KIF2A: variants seen among roughly 807,000 people sequenced by gnomAD.
KIF2A encodes kinesin-like protein KIF2A.
A neutral mutation model predicts 100.2 loss-of-function variants in KIF2A; 22 were observed. The observed-to-expected ratio is 0.22, with a 90% CI of 0.16 to 0.31. KIF2A has a LOEUF of 0.31. KIF2A is among the 10% of genes least tolerant of loss of function. The pLI is 1.00. For missense variants in KIF2A, 495 were observed against 898.7 expected (o/e 0.55, Z 5.74); for synonymous variants, 268 against 285.9 (o/e 0.94, Z 0.63).
chr5:62,306,504 T>A lies in KIF2A; in HGVS notation c.32T>A (p.Ile11Asn). Residue 11 changes from isoleucine to asparagine, a missense_variant, in exon 1 of 21, where the codon ATC (isoleucine) becomes AAC (asparagine). Physicochemically the swap from Ile to Asn is moderately radical, Grantham distance 149 (BLOSUM62 -3). Transcript: ENST00000407818. ...ACGGCCAACTTCGGCAAGATCCAGA[T>A]CGGGATTTACGTGGAGATCAAGCGC... is the stretch of plus-strand genomic sequence containing the variant. MATANFGKIQ[I>N]GIYVEIKRSD... 4.5e-6 allele frequency: 7 copies of A among 1,545,872 alleles called. No homozygotes were observed. Among genetic ancestry groups the A allele is most frequent in the Non-Finnish European group, 6.1e-6 (7 of 1,144,838 alleles).
intron 19 of KIF2A, among the ~76,000 whole-genome samples, chr5:62,380,707 C>T (rs1215491530): frequency 1.3e-5 from 2 of 152,010 alleles, no homozygotes; most frequent in African/African-American, 4.8e-5. Context: ...TTAAGAAAAT[C>T]GTAAGAAAGG....
Position 62,390,741 on chromosome 5 carries a change from T to C in KIF2A, c.*5172T>C. ...CCTCCATCTTCTACACCAAATACTA[T>C]TCCATGCCATGGAAGTGCTATGCAA... is the stretch of plus-strand genomic sequence containing the variant. On this transcript the variant is annotated 3_prime_UTR_variant, in exon 21 of 21. Coordinates refer to ENST00000407818, the MANE Select transcript of KIF2A (RefSeq NM_001098511.3). 1.4e-6 allele frequency: 1 copy of C among 703,442 alleles called. No individual in the cohort carries two copies. The highest frequency in any genetic ancestry group is 2.5e-6 in the Non-Finnish European group (1 of 399,262). The allele number at this position is 703,442 out of a possible 1,614,324, so 43.6% of individuals were successfully genotyped here. A position where few individuals can be genotyped will look rare whatever the true frequency, so the allele number is the denominator to read the frequency against.
chr5:62,380,633 G>T (rs1186085184), intron 19 of KIF2A, among the ~76,000 whole-genome samples: 1 of 152,114 alleles, frequency 6.6e-6, no homozygotes, highest in Non-Finnish European at 1.5e-5. Flanking sequence ...TACATATTTT[G>T]TATGTTATAT....
intron 1 of KIF2A, chr5:62,307,367 T>C (rs1231357405): frequency 6.6e-6 from 1 of 151,930 alleles, no homozygotes; most frequent in Non-Finnish European, 1.5e-5. Flanking sequence ...TGAAGACACA[T>C]GCTTCATTTT....
At chr5:62,381,361 G>A in intron 20 of KIF2A, 108 bp downstream of exon 20, 5 of 808,140 alleles carry the variant, frequency 6.2e-6, no homozygotes, top group Non-Finnish European at 1.0e-5. Flanking sequence ...AAAATTAGGG[G>A]CACTGTTTAG....
chr5:62,384,418 T>G (rs563242284), intron 20 of KIF2A, among the ~76,000 whole-genome samples: 1 of 152,360 alleles, frequency 6.6e-6, no homozygotes, highest in East Asian at 1.9e-4. Context: ...TTTCGTAACC[T>G]TGACACTGTT....
chr5:62,355,172 C>A lies in KIF2A; in HGVS notation c.572C>A (p.Thr191Lys). 6.4e-7 allele frequency: 1 copy of A among 1,571,716 alleles called. No homozygotes were observed. Among genetic ancestry groups the A allele is most frequent in the Non-Finnish European group, 8.7e-7 (1 of 1,144,256 alleles). ...REKRAQDVDA[T>K]NPNYEIMCMI... The stretch of plus-strand genomic sequence containing the variant: ...GTCTTCTAATAGGACGTTGATGCTA[C>A]AAACCCAAATTATGAAATTATGTGT... The change falls in exon 7 of 21, where the codon ACA becomes AAA. Residue 191 changes from threonine (T) to lysine (K), a missense_variant. Physicochemically the swap from Thr to Lys is moderately conservative, Grantham distance 78 (BLOSUM62 -1). Transcript: ENST00000407818.
At chr5:62,358,919 C>T (rs1748249477) in intron 9 of KIF2A, among the ~76,000 whole-genome samples, 1 of 152,246 alleles carries the variant, frequency 6.6e-6, no homozygotes, top group South Asian at 2.1e-4. Flanking sequence ...GATCTGCCCG[C>T]CTTGGCTTCC....
At chr5:62,324,955 CAAAGGTCTCA>C (rs1746289115) in intron 1 of KIF2A, among the ~76,000 whole-genome samples, 1 of 152,126 alleles carries the variant, frequency 6.6e-6, no homozygotes, top group South Asian at 2.1e-4. Flanking sequence ...ATGCATATGA[CAAAGGTCTCA>C]TTTCCAGAAT....
At chr5:62,365,164 A>G in intron 14 of KIF2A, 79 bp from the exon 15 acceptor site, 1 of 656,746 alleles carries the variant, frequency 1.5e-6, no homozygotes, top group South Asian at 2.3e-5. Context: ...TTGTAGTAAG[A>G]GACCTTTTAA....
Position 62,348,175 on chromosome 5 carries a change from A to T in KIF2A, c.279+8A>T, listed in dbSNP as rs1747671429. 5 of 1,613,370 alleles carry T rather than the reference A, an allele frequency of 3.1e-6. No individual in the cohort carries two copies. In the East Asian group the frequency reaches 1.1e-4, roughly 36 times the overall value. On this transcript the variant is annotated splice_region_variant and intron_variant, in intron 3 of 20. Coordinates refer to ENST00000407818, the MANE Select transcript of KIF2A (RefSeq NM_001098511.3). ...GTAAACAAAATTGTAAAGGTTAGTG[A>T]TGAAAATTCAGAGTGCAGGACACTG...
At position 62,390,525 on chromosome 5, in the gene KIF2A, T is replaced by C. The variant is rs1008221840; in HGVS notation, c.*4956T>C. Among the ~76,000 whole-genome samples, 32 of 152,188 alleles carry C rather than the reference T, an allele frequency of 2.1e-4. No individual in the cohort carries two copies. The highest frequency in any genetic ancestry group is 7.7e-4 in the African/African-American group (32 of 41,452). On this transcript the variant is annotated 3_prime_UTR_variant, in exon 21 of 21. Coordinates refer to ENST00000407818, the MANE Select transcript of KIF2A (RefSeq NM_001098511.3). ...CATGTATTATGATTTTTCTACCTTA[T>C]GGACTATTTTGGAGGGATAAGCTAT...
intron 15 of KIF2A, among the ~76,000 whole-genome samples, 184 bp downstream of exon 15, chr5:62,365,537 T>A (rs969271473): frequency 6.6e-6 from 1 of 152,250 alleles, no homozygotes; most frequent in Non-Finnish European, 1.5e-5. Flanking sequence ...GTTATATAAT[T>A]CCAGCATCTA....
intron 8 of KIF2A, 64 bp downstream of exon 8, chr5:62,357,809 A>G: frequency 1.0e-6 from 1 of 986,080 alleles, no homozygotes; most frequent in Non-Finnish European, 1.5e-6. Context: ...TATTTTTATA[A>G]TAGCAAATCA....
At chr5:62,379,125 A>C (rs566599220) in intron 19 of KIF2A, among the ~76,000 whole-genome samples, 1 of 152,162 alleles carries the variant, frequency 6.6e-6, no homozygotes, top group Admixed American at 6.5e-5. Context: ...AAAAACAAAA[A>C]GAAAAGTGTC....
intron 5 of KIF2A, 181 bp downstream of exon 5, chr5:62,352,891 A>G (rs2111925700): frequency 2.0e-6 from 1 of 500,780 alleles, no homozygotes; most frequent in Non-Finnish European, 3.3e-6. Context: ...TTTTTAAAGT[A>G]TATTTTGGAG....
chr5:62,342,558 T>C (rs1272152405), intron 1 of KIF2A, among the ~76,000 whole-genome samples: 1 of 152,050 alleles, frequency 6.6e-6, no homozygotes, highest in Non-Finnish European at 1.5e-5. Flanking sequence ...ATAGGACATA[T>C]CCATTTTGGC....
chr5:62,325,442 CT>C (rs1339752042), intron 1 of KIF2A, among the ~76,000 whole-genome samples: 1 of 136,428 alleles, frequency 7.3e-6, no homozygotes, highest in Non-Finnish European at 1.6e-5. Flanking sequence ...TTTCAATAAA[CT>C]TTCATTCCTG....
At chr5:62,360,209 C>G (rs1314778965) in intron 9 of KIF2A, among the ~76,000 whole-genome samples, 1 of 151,418 alleles carries the variant, frequency 6.6e-6, no homozygotes, top group Non-Finnish European at 1.5e-5. Flanking sequence ...AGGCCGGTCT[C>G]GAACTCCTGA....
Sources: allele counts gnomAD v4.1 joint callset (sites outside exome capture counted in the v4.1 genomes callset), GRCh38; gene constraint gnomAD v4.1.1; transcripts MANE v1.5; gene names NCBI Gene and HGNC (gene_info 2026-07-23, HGNC 2026-07-21).